CFAP57: variants seen among roughly 807,000 people sequenced by gnomAD.
CFAP57 encodes cilia- and flagella-associated protein 57.
In CFAP57, 116 loss-of-function variants were observed where a neutral mutation model predicts 146.8. The ratio of observed to expected loss-of-function variants is 0.79; its 90% confidence interval spans 0.68 to 0.92. CFAP57 has a LOEUF of 0.92. Ranked by LOEUF, CFAP57 falls within the 40% of genes least tolerant of loss-of-function variation. The pLI, the probability that CFAP57 is intolerant of heterozygous loss-of-function variation, is 0.00. For missense variants in CFAP57, 1,377 were observed against 1,527.2 expected, an observed-to-expected ratio of 0.90 and a Z score of 1.64; for synonymous variants, 518 against 552.8, an observed-to-expected ratio of 0.94 and a Z score of 0.88.
At chr1:43,173,674 A>C (rs74883042) in intron 2 of CFAP57, among the ~76,000 whole-genome samples, 3,729 of 152,322 alleles carry the variant, frequency 0.024, 45 homozygotes, top group Middle Eastern at 0.034. Context: ...GTGTTCCATC[A>C]TATGAATATA....
At chr1:43,244,273 T>C (rs1646032331) in intron 22 of CFAP57, among the ~76,000 whole-genome samples, 1 of 152,216 alleles carries the variant, frequency 6.6e-6, no homozygotes, top group Non-Finnish European at 1.5e-5. Flanking sequence ...AGGCTTGAAC[T>C]GAAACATCCC....
intron 11 of CFAP57, among the ~76,000 whole-genome samples, chr1:43,213,328 C>T (rs926872333): frequency 2.6e-5 from 4 of 152,228 alleles, no homozygotes; most frequent in East Asian, 3.8e-4. Flanking sequence ...ACATATTTCA[C>T]TTAACTTCAC....
Position 43,209,880 on chromosome 1 carries a change from C to T in CFAP57, c.1893C>T (p.Phe631=). 1 of 1,614,244 alleles carries T rather than the reference C, an allele frequency of 6.2e-7. No homozygotes were observed. The change falls in exon 11 of 23, where the codon TTC becomes TTT. Residue 631 remains phenylalanine, a synonymous_variant. Coordinates refer to ENST00000372492, the MANE Select transcript of CFAP57 (RefSeq NM_001378189.1). ...ACCCTCTGCCTCTGCAGAAGGAATT[C>T]AATGAGTACCAGGCCCATGCCGGTC... The part of the protein sequence containing the change: ...MKYPLPLQKE[F]NEYQAHAGPI...
At chr1:43,174,874 T>C (rs1056696068) in intron 2 of CFAP57, among the ~76,000 whole-genome samples, 1 of 152,194 alleles carries the variant, frequency 6.6e-6, no homozygotes, top group Admixed American at 6.5e-5. Flanking sequence ...TATGGTTTTC[T>C]ACAGACAACA....
chr1:43,247,954 T>C (rs1374135562), intron 22 of CFAP57, among the ~76,000 whole-genome samples: 1 of 151,944 alleles, frequency 6.6e-6, no homozygotes, highest in Non-Finnish European at 1.5e-5. Context: ...TGAAACCCTG[T>C]CTCTACTAAA....
At position 43,183,658 on chromosome 1, in the gene CFAP57, G is replaced by A. The variant is rs758915870; in HGVS notation, c.542G>A (p.Arg181His). 50 of 1,614,030 alleles carry A rather than the reference G, an allele frequency of 3.1e-5. No homozygotes were observed. Among genetic ancestry groups the A allele is most frequent in the Admixed American group, 8.3e-5 (5 of 59,992 alleles). Residue 181 changes from arginine (R) to histidine (H), a missense_variant, in exon 4 of 23, where the codon CGT becomes CAT. Arg to His is a conservative substitution (Grantham distance 29). Coordinates refer to ENST00000372492, the MANE Select transcript of CFAP57 (RefSeq NM_001378189.1). ...VTGNGMFKLL[R>H]FAEGTLKQTS... is the part of the protein sequence containing the mutation. Reference sequence around the variant, plus strand: ...GGAAATGGGATGTTTAAGCTTCTCCGTTTTGCTGAGGGAACCCTGAAGCAA... The same window carrying A: ...GGAAATGGGATGTTTAAGCTTCTCCATTTTGCTGAGGGAACCCTGAAGCAA...
In CFAP57 at chr1:43,213,165, G is replaced by A. The variant is rs529546706; in HGVS notation, c.1930-2090G>A. On this transcript the variant is annotated intron_variant, in intron 11 of 22. Coordinates refer to ENST00000372492, the MANE Select transcript of CFAP57 (RefSeq NM_001378189.1). Reference sequence around the variant, plus strand: ...TGCAATGGCATGATCTCCGCTCACTGCAACCACCGCCTCCTGGGTTCAAGC... The same window carrying A: ...TGCAATGGCATGATCTCCGCTCACTACAACCACCGCCTCCTGGGTTCAAGC... Among the ~76,000 whole-genome samples the A allele has an allele frequency of 4.5e-4, 69 of 152,058 alleles. 1 individual carries two copies. The South Asian group carries it at 0.014, about 31-fold the overall frequency.
intron 13 of CFAP57, among the ~76,000 whole-genome samples, chr1:43,219,829 C>G (rs542542498): frequency 1.3e-5 from 2 of 152,122 alleles, no homozygotes; most frequent in African/African-American, 4.8e-5. Flanking sequence ...CATGGTGGCA[C>G]GTGCCCATAG....
intron 6 of CFAP57, among the ~76,000 whole-genome samples, chr1:43,194,307 C>T (rs1187901117): frequency 2.0e-5 from 3 of 151,992 alleles, no homozygotes; most frequent in Non-Finnish European, 4.4e-5. Flanking sequence ...GAGATATCTG[C>T]TATTAATCTT....
intron 1 of CFAP57, 115 bp from the exon 2 acceptor site, chr1:43,172,620 G>GC (rs1405195947): frequency 5.1e-6 from 4 of 789,444 alleles, no homozygotes; most frequent in East Asian, 4.2e-5. Context: ...AAGGGGAGGA[G>GC]AAAGGGGAGA....
intron 22 of CFAP57, among the ~76,000 whole-genome samples, chr1:43,253,326 G>A (rs1646367294): frequency 6.6e-6 from 1 of 152,254 alleles, no homozygotes; most frequent in African/African-American, 2.4e-5. Context: ...TCAGAGAACA[G>A]TGCTAGAGTG....
chr1:43,222,410 A>G (rs751913438), intron 15 of CFAP57, 115 bp downstream of exon 15: 267 of 939,758 alleles, frequency 2.8e-4, no homozygotes, highest in Non-Finnish European at 2.0e-4. Context: ...TGGGTCAGAC[A>G]TGGTTTCTAC....
At chr1:43,226,826 G>T (rs879446097) in intron 17 of CFAP57, among the ~76,000 whole-genome samples, 157 bp from the exon 18 acceptor site, 1 of 152,176 alleles carries the variant, frequency 6.6e-6, no homozygotes, top group South Asian at 2.1e-4. Flanking sequence ...CCCCATGGGG[G>T]GAGTGCCAGC....
Position 43,183,583 on chromosome 1 carries a change from T to C in CFAP57, c.475-8T>C. ...AATTTTTTTCTTCAATTCTCTCACA[T>C]TTTACAGGTGAGCTTCAGTCCACAG... On this transcript the variant is annotated splice_region_variant and splice_polypyrimidine_tract_variant and intron_variant, in intron 3 of 22. Coordinates refer to ENST00000372492, the MANE Select transcript of CFAP57 (RefSeq NM_001378189.1). 1 of 1,613,824 alleles carries C rather than the reference T, an allele frequency of 6.2e-7. No individual in the cohort carries two copies. Among genetic ancestry groups the C allele is most frequent in the Non-Finnish European group, 8.5e-7 (1 of 1,179,728 alleles).
At chr1:43,200,601 A>G (rs930315297) in intron 9 of CFAP57, among the ~76,000 whole-genome samples, 1 of 152,206 alleles carries the variant, frequency 6.6e-6, no homozygotes, top group African/African-American at 2.4e-5. Flanking sequence ...GGAGAGGCAT[A>G]GAAAGGGTAA....
intron 2 of CFAP57, among the ~76,000 whole-genome samples, chr1:43,178,388 A>T (rs1313316913): frequency 6.6e-6 from 1 of 152,230 alleles, no homozygotes; most frequent in African/African-American, 2.4e-5. Flanking sequence ...CAATCTACTC[A>T]TCTGACAAAG....
Position 43,234,282 on chromosome 1 carries a change from C to T in CFAP57, c.3130C>T (p.Arg1044Ter), listed in dbSNP as rs150348829. The change falls in exon 20 of 23, where the codon CGA becomes TGA. Residue 1044 changes from arginine to a stop codon, truncating the protein, a stop_gained. Transcript: ENST00000372492. LOFTEE classifies it high-confidence loss of function. ...AAGGAAACGTCTCTGATTGCAGGAG[C>T]GAGACTTGGAAGCGCTGGTCAAAAG... ...QEMRRERQKE[R>*]DLEALVKRFK... The T allele has an allele frequency of 1.2e-5, 18 of 1,545,790 alleles. No homozygotes were observed. The East Asian group carries it at 1.5e-4, about 13-fold the overall frequency.
At chr1:43,181,993 T>C (rs1459072868) in intron 3 of CFAP57, 143 bp downstream of exon 3, 2 of 950,920 alleles carry the variant, frequency 2.1e-6, no homozygotes, top group Non-Finnish European at 3.2e-6. Context: ...GTATGCACAA[T>C]CATTATCCCC....
rs183835931 is a variant in CFAP57, at chr1:43,244,109, C to T, written c.3538+750C>T. Among the ~76,000 whole-genome samples the T allele has an allele frequency of 6.2e-3, 939 of 152,254 alleles. 5 individuals carry two copies. Among genetic ancestry groups the T allele is most frequent in the Non-Finnish European group, 9.7e-3 (661 of 68,028 alleles). ...ATGAACAGCCTTTAATTACATATGC[C>T]GCTTTCAGGCCCCAAAGAAGCATTT... On this transcript the variant is annotated intron_variant, in intron 22 of 22. Transcript: ENST00000372492.
Sources: gnomAD v4.1 joint callset for allele counts (sites outside exome capture counted in the v4.1 genomes callset) on GRCh38, gnomAD v4.1.1 for gene constraint, MANE v1.5 for transcripts, NCBI Gene and HGNC (gene_info 2026-07-23, HGNC 2026-07-21) for gene names.